MMP16: variants seen among roughly 807,000 people sequenced by gnomAD.
MMP16 encodes matrix metallopeptidase 16.
MMP16 carries 12 observed loss-of-function variants against 67.8 expected under a neutral mutation model. That is an observed-to-expected ratio of 0.18 (90% CI 0.11 to 0.29). The LOEUF is 0.29. Ranked by LOEUF, MMP16 falls within the 10% of genes least tolerant of loss-of-function variation. MMP16 has a pLI of 1.00. For synonymous variants in MMP16, 249 were observed against 255.9 expected (o/e 0.97, Z 0.26); for missense variants, 475 against 765.7 (o/e 0.62, Z 4.48).
chr8:88,052,030 C>T (rs1430383135), intron 8 of MMP16, among the ~76,000 whole-genome samples: 1 of 152,152 alleles, frequency 6.6e-6, no homozygotes, highest in South Asian at 2.1e-4. Flanking sequence ...ACCGTCATTT[C>T]ATCTACTCTC....
At chr8:88,107,035 C>T (rs1044328807) in intron 6 of MMP16, among the ~76,000 whole-genome samples, 3 of 151,092 alleles carry the variant, frequency 2.0e-5, no homozygotes, top group Non-Finnish European at 3.0e-5. Flanking sequence ...TCTTCTAGTA[C>T]TTTTATGGTT....
In MMP16 at chr8:88,127,222, T is replaced by G. The variant is rs765659475; in HGVS notation, c.710-8361A>C. On this transcript the variant is annotated intron_variant, in intron 4 of 9. Transcript: ENST00000286614. The stretch of plus-strand genomic sequence containing the variant: ...GAGAGTTTTGAATGCTAGGTTTGAG[T>G]GTGATTATTATGTAGGAGATAACAC... Among the ~76,000 whole-genome samples the G allele has an allele frequency of 1.7e-3, 256 of 151,916 alleles. 8 individuals carry two copies. Among genetic ancestry groups the G allele is most frequent in the Non-Finnish European group, 9.0e-4 (61 of 67,886 alleles).
At chr8:88,178,833 G>T (rs1274144158) in intron 3 of MMP16, among the ~76,000 whole-genome samples, 7 of 151,882 alleles carry the variant, frequency 4.6e-5, no homozygotes, top group African/African-American at 1.7e-4. Context: ...GGTGTTATTG[G>T]ATATTTCACT....
At chr8:88,310,269 C>T (rs753554257) in intron 1 of MMP16, among the ~76,000 whole-genome samples, 4 of 151,990 alleles carry the variant, frequency 2.6e-5, no homozygotes, top group Non-Finnish European at 4.4e-5. Context: ...AGATAGAAAG[C>T]GCTATTTATA....
intron 6 of MMP16, among the ~76,000 whole-genome samples, chr8:88,093,414 T>A (rs527277150): frequency 2.0e-5 from 3 of 151,800 alleles, no homozygotes; most frequent in African/African-American, 7.2e-5. Context: ...CTTTTGTGAT[T>A]TTTGTTTGTT....
intron 1 of MMP16, among the ~76,000 whole-genome samples, chr8:88,203,154 A>G (rs1206190514): frequency 1.6e-5 from 2 of 125,746 alleles, no homozygotes; most frequent in Middle Eastern, 5.6e-3. Flanking sequence ...ACTAGGCTGG[A>G]GTGCAGTGGT....
At chr8:88,118,963 AG>A (rs1257667285) in intron 4 of MMP16, 102 bp from the exon 5 acceptor site, 2 of 1,096,782 alleles carry the variant, frequency 1.8e-6, no homozygotes, top group Non-Finnish European at 2.6e-6. Context: ...GAAAAATAGG[AG>A]GTACTCTTTC....
intron 1 of MMP16, among the ~76,000 whole-genome samples, chr8:88,219,915 T>G (rs912313008): frequency 1.3e-5 from 2 of 149,474 alleles, no homozygotes; most frequent in African/African-American, 5.1e-5. Flanking sequence ...TTTTTTAAAT[T>G]TCTTCTTATG....
chr8:88,317,497 T>C (rs1158169698), intron 1 of MMP16, among the ~76,000 whole-genome samples: 4 of 152,198 alleles, frequency 2.6e-5, no homozygotes, highest in Admixed American at 6.5e-5. Flanking sequence ...CAGTACAGTG[T>C]AAATATAACT....
chr8:88,288,201 A>G lies in MMP16; in HGVS notation c.132+38874T>C, dbSNP rs1810863763. ...CACTCCAACAGTTACCAAAACCAAT[A>G]TAACTATTCCATTAGTAAAGACAAT... On this transcript the variant is annotated intron_variant, in intron 1 of 9. Transcript: ENST00000286614. Among the ~76,000 whole-genome samples the G allele has an allele frequency of 2.0e-5, 3 of 152,348 alleles. No individual in the cohort carries two copies. The South Asian group carries it at 6.2e-4, about 32-fold the overall frequency.
At chr8:88,168,469 G>T (rs1052981724) in intron 3 of MMP16, among the ~76,000 whole-genome samples, 2 of 152,138 alleles carry the variant, frequency 1.3e-5, no homozygotes, top group African/African-American at 2.4e-5. Context: ...AATGATCAAA[G>T]AACTACAATT....
intron 4 of MMP16, among the ~76,000 whole-genome samples, chr8:88,157,628 T>C (rs548271885): frequency 6.6e-6 from 1 of 151,822 alleles, no homozygotes; most frequent in Non-Finnish European, 1.5e-5. Context: ...ATAAAATCAG[T>C]TGTGTTAAGC....
chr8:88,149,457 C>T (rs1362961913), intron 4 of MMP16, among the ~76,000 whole-genome samples: 1 of 152,158 alleles, frequency 6.6e-6, no homozygotes, highest in Non-Finnish European at 1.5e-5. Flanking sequence ...ACTTAAATGT[C>T]CCTGTCTGAC....
intron 1 of MMP16, among the ~76,000 whole-genome samples, chr8:88,314,284 T>C (rs1811344482): frequency 6.6e-6 from 1 of 152,208 alleles, no homozygotes; most frequent in Non-Finnish European, 1.5e-5. Flanking sequence ...ATAAAGAATA[T>C]AGTCATAACA....
intron 1 of MMP16, among the ~76,000 whole-genome samples, chr8:88,219,983 G>T (rs894302652): frequency 6.6e-6 from 1 of 151,934 alleles, no homozygotes; most frequent in African/African-American, 2.4e-5. Flanking sequence ...TATTTATACC[G>T]CCTTTAATAA....
intron 4 of MMP16, among the ~76,000 whole-genome samples, chr8:88,148,569 C>T (rs1808335530): frequency 6.6e-6 from 1 of 152,212 alleles, no homozygotes. Flanking sequence ...AATTTGCTCA[C>T]CTTGCCCTTG....
chr8:88,209,484 T>G (rs1809480287), intron 1 of MMP16, among the ~76,000 whole-genome samples: 1 of 152,198 alleles, frequency 6.6e-6, no homozygotes, highest in Non-Finnish European at 1.5e-5. Context: ...AGACTTCTGG[T>G]CAACAGGAGG....
chr8:88,082,067 T>C (rs1470979105), intron 6 of MMP16, among the ~76,000 whole-genome samples: 1 of 152,032 alleles, frequency 6.6e-6, no homozygotes, highest in Non-Finnish European at 1.5e-5. Context: ...TAATCTAATG[T>C]ATAAAGAACT....
At chr8:88,065,393 C>G (rs1172239921) in intron 7 of MMP16, among the ~76,000 whole-genome samples, 1 of 151,994 alleles carries the variant, frequency 6.6e-6, no homozygotes, top group Non-Finnish European at 1.5e-5. Flanking sequence ...GTTTTTGAAT[C>G]ATTTTAATAA....
Sources: allele counts gnomAD v4.1 joint callset (sites outside exome capture counted in the v4.1 genomes callset), GRCh38; gene constraint gnomAD v4.1.1; transcripts MANE v1.5; gene names NCBI Gene and HGNC (gene_info 2026-07-23, HGNC 2026-07-21).